Variants in PABPC1L observed in about 807,000 individuals in gnomAD.
The protein encoded by PABPC1L is poly(A) binding protein cytoplasmic 1 like.
A neutral mutation model predicts 66.6 loss-of-function variants in PABPC1L; 31 were observed. The ratio of observed to expected loss-of-function variants is 0.47; its 90% confidence interval spans 0.35 to 0.63. PABPC1L has a LOEUF of 0.63. PABPC1L is among the 20% of genes least tolerant of loss of function. PABPC1L has a pLI of 0.00. For synonymous variants in PABPC1L, 348 were observed against 335.1 expected, an observed-to-expected ratio of 1.04 and a Z score of -0.42; for missense variants, 722 against 848.8, an observed-to-expected ratio of 0.85 and a Z score of 1.86.
chr20:44,912,476 C>T (rs990546245), intron 1 of PABPC1L, among the ~76,000 whole-genome samples, 184 bp from the exon 2 acceptor site: 2 of 152,166 alleles, frequency 1.3e-5, no homozygotes, highest in Admixed American at 6.5e-5. Context: ...TAATTCTCAG[C>T]TTATCCTTCC....
At chr20:44,926,319 C>G (rs182642389) in intron 7 of PABPC1L, among the ~76,000 whole-genome samples, 1 of 152,096 alleles carries the variant, frequency 6.6e-6, no homozygotes, top group South Asian at 2.1e-4. Context: ...CTCCGCCTCC[C>G]GGGTTCAAGT....
At chr20:44,922,126 A>G (rs1291537615) in intron 6 of PABPC1L, among the ~76,000 whole-genome samples, 4 of 152,232 alleles carry the variant, frequency 2.6e-5, no homozygotes, top group Non-Finnish European at 5.9e-5. Flanking sequence ...AATATGTTAC[A>G]TCCAAAAGTT....
intron 11 of PABPC1L, 23 bp downstream of exon 11, chr20:44,935,520 C>T (rs376250033): frequency 1.6e-4 from 254 of 1,602,680 alleles, no homozygotes; most frequent in Non-Finnish European, 2.0e-4. Flanking sequence ...CAGCTGCCTG[C>T]TCTTAGCCTG....
intron 6 of PABPC1L, 93 bp downstream of exon 6, chr20:44,921,824 A>C: frequency 6.4e-7 from 1 of 1,560,046 alleles, no homozygotes; most frequent in South Asian, 1.2e-5. Context: ...TAGTGATCCT[A>C]CTTCTGGGCA....
rs1469159214 is a variant in PABPC1L at position 44,924,257 on chromosome 20, G to A, written c.972+1G>A. ...CTATGGAGTAATTACCAGTGCGAAG[G>A]TGAGGACTGGGGGCACCTCCGGGGG... On this transcript the variant is annotated splice_donor_variant, in intron 7 of 14. Coordinates refer to ENST00000217073, the MANE Select transcript of PABPC1L (RefSeq NM_001372179.1). LOFTEE classifies it high-confidence loss of function. The A allele has an allele frequency of 1.2e-6, 2 of 1,610,066 alleles. No individual in the cohort carries two copies. Among genetic ancestry groups the A allele is most frequent in the Non-Finnish European group, 1.7e-6 (2 of 1,176,440 alleles).
intron 7 of PABPC1L, 107 bp downstream of exon 7, chr20:44,924,363 G>A (rs1306977223): frequency 7.1e-6 from 6 of 841,234 alleles, no homozygotes; most frequent in Non-Finnish European, 1.1e-5. Context: ...CCTTCAGGGG[G>A]TTGGTGCCGG....
intron 11 of PABPC1L, 121 bp from the exon 12 acceptor site, chr20:44,936,516 A>G: frequency 1.3e-6 from 1 of 750,648 alleles, no homozygotes; most frequent in East Asian, 2.7e-5. Flanking sequence ...GATCATCCAG[A>G]CCTTGCCCTC....
chr20:44,916,406 G>A (rs1806972318), intron 2 of PABPC1L, among the ~76,000 whole-genome samples: 1 of 152,098 alleles, frequency 6.6e-6, no homozygotes, highest in Non-Finnish European at 1.5e-5. Flanking sequence ...CTGAGTAGCT[G>A]GGATTACAGG....
At chr20:44,916,300 T>C (rs2066737306) in intron 2 of PABPC1L, among the ~76,000 whole-genome samples, 1 of 152,140 alleles carries the variant, frequency 6.6e-6, no homozygotes. Flanking sequence ...TGACACAGAG[T>C]CTCACTCTGT....
At chr20:44,935,976 A>T (rs958694104) in intron 11 of PABPC1L, among the ~76,000 whole-genome samples, 22 of 146,710 alleles carry the variant, frequency 1.5e-4, no homozygotes, top group African/African-American at 5.0e-4. Flanking sequence ...AAAAATGTCT[A>T]TTTTTTTTTT....
At position 44,938,666 on chromosome 20, in the gene PABPC1L, T is replaced by C. The variant is rs1259284187; in HGVS notation, c.1792-8T>C. ...GCACTAAGCCCCCCCGCCACTCATG[T>C]CTCACAGATAGACGAGGCAGTGGCC... is the stretch of plus-strand genomic sequence containing the variant. On this transcript the variant is annotated splice_polypyrimidine_tract_variant and splice_region_variant and intron_variant, in intron 13 of 14. Transcript: ENST00000217073. 2 of 1,605,922 alleles carry C rather than the reference T, an allele frequency of 1.2e-6. No homozygotes were observed. Among genetic ancestry groups the C allele is most frequent in the East Asian group, 2.2e-5 (1 of 44,680 alleles).
intron 7 of PABPC1L, among the ~76,000 whole-genome samples, chr20:44,929,856 T>C (rs2066837895): frequency 1.3e-5 from 2 of 151,684 alleles, no homozygotes; most frequent in Admixed American, 1.3e-4. Context: ...TTTCTGTAAA[T>C]CTAAAGTTAC....
At chr20:44,917,278 G>C (rs1455335436) in intron 3 of PABPC1L, among the ~76,000 whole-genome samples, 1 of 151,990 alleles carries the variant, frequency 6.6e-6, no homozygotes, top group African/African-American at 2.4e-5. Context: ...GACCTCCTTG[G>C]CTCAAGTAAT....
intron 1 of PABPC1L, among the ~76,000 whole-genome samples, chr20:44,911,135 A>AAAATAAAT (rs34724097): frequency 1.4e-4 from 21 of 147,632 alleles, no homozygotes; most frequent in Middle Eastern, 6.8e-3. Flanking sequence ...GTGGTAACCT[A>AAAATAAAT]AAATAAATAA....
chr20:44,935,208 A>G (rs77401038), intron 10 of PABPC1L, among the ~76,000 whole-genome samples, 183 bp from the exon 11 acceptor site: 3,197 of 152,222 alleles, frequency 0.021, 53 homozygotes, highest in South Asian at 0.044. Flanking sequence ...AAAGCCCTAT[A>G]CTGTTTTTCT....
In PABPC1L at chr20:44,925,031, G is replaced by A. The variant is rs2066799602; in HGVS notation, c.972+775G>A. On this transcript the variant is annotated intron_variant, in intron 7 of 14. Transcript: ENST00000217073. ...GATCGAGACCATCCTCGCTAACACG[G>A]TGAAACCCCATCTCTACTAAAAATA... 4.1e-5 allele frequency among the ~76,000 whole-genome samples: 6 copies of A among 147,154 alleles called. No individual in the cohort carries two copies. In the South Asian group the frequency reaches 1.2e-3, roughly 31 times the overall value.
intron 2 of PABPC1L, among the ~76,000 whole-genome samples, chr20:44,914,063 G>T (rs1039810923): frequency 6.6e-6 from 1 of 152,166 alleles, no homozygotes; most frequent in Non-Finnish European, 1.5e-5. Flanking sequence ...TAGCAGGTCA[G>T]TATGTCTGGA....
In PABPC1L at chr20:44,912,702, G is replaced by C. The variant is rs2066713330; in HGVS notation, c.236G>C (p.Gly79Ala). 1.2e-6 allele frequency: 2 copies of C among 1,614,052 alleles called. No individual in the cohort carries two copies. The highest frequency in any genetic ancestry group is 4.5e-5 in the East Asian group (2 of 44,876). Residue 79 changes from glycine to alanine, a missense_variant, in exon 2 of 15, where the codon GGC becomes GCC. Coordinates refer to ENST00000217073, the MANE Select transcript of PABPC1L (RefSeq NM_001372179.1). Reference sequence around the variant, plus strand: ...ACAATGAACTTTGAGATGCTCAAAGGCCAGCCTATTCGCATCATGTGGTCC... The same window carrying C: ...ACAATGAACTTTGAGATGCTCAAAGCCCAGCCTATTCGCATCATGTGGTCC... ...LDTMNFEMLK[G>A]QPIRIMWSQR...
chr20:44,924,807 C>T (rs1249329269), intron 7 of PABPC1L, among the ~76,000 whole-genome samples: 5 of 152,170 alleles, frequency 3.3e-5, no homozygotes, highest in African/African-American at 7.2e-5. Context: ...GATGGCTTTC[C>T]GACCCTGGCT....
Sources: allele counts gnomAD v4.1 joint callset (sites outside exome capture counted in the v4.1 genomes callset), GRCh38; gene constraint gnomAD v4.1.1; transcripts MANE v1.5; gene names NCBI Gene and HGNC (gene_info 2026-07-23, HGNC 2026-07-21).